FAM78B: variants seen among roughly 807,000 people sequenced by gnomAD.
The protein encoded by FAM78B is family with sequence similarity 78 member B, also known as protein FAM78B.
FAM78B carries 10 observed loss-of-function variants against 20.0 expected under a neutral mutation model. The ratio of observed to expected loss-of-function variants is 0.50; its 90% confidence interval spans 0.31 to 0.85. The LOEUF is 0.85. Among genes scored for constraint, FAM78B ranks in the 40% least tolerant of loss-of-function variants. The probability of loss-of-function intolerance (pLI) is 0.05; values close to 1 mark genes in which losing one functional copy is unlikely to be tolerated. For missense variants in FAM78B, 283 were observed against 345.0 expected (o/e 0.82, Z 1.42); for synonymous variants, 135 against 132.8 (o/e 1.02, Z -0.12).
At chr1:166,127,442 A>G (rs1327224020) in intron 1 of FAM78B, among the ~76,000 whole-genome samples, 1 of 152,172 alleles carries the variant, frequency 6.6e-6, no homozygotes, top group Non-Finnish European at 1.5e-5. Flanking sequence ...TATTACATGG[A>G]GAGTCCAACT....
intron 1 of FAM78B, among the ~76,000 whole-genome samples, chr1:166,137,822 A>G (rs758301095): frequency 2.0e-5 from 3 of 152,210 alleles, no homozygotes; most frequent in Non-Finnish European, 4.4e-5. Flanking sequence ...GGCTCTATCT[A>G]GACTCTGCTT....
chr1:166,108,816 T>C (rs912994384), intron 1 of FAM78B, among the ~76,000 whole-genome samples: 1 of 152,192 alleles, frequency 6.6e-6, no homozygotes. Context: ...AATAGGCACA[T>C]AGACCAATGG....
At chr1:166,062,586 T>C (rs1042447986) in intron 2 of FAM78B, among the ~76,000 whole-genome samples, 1 of 152,274 alleles carries the variant, frequency 6.6e-6, no homozygotes, top group Non-Finnish European at 1.5e-5. Flanking sequence ...AGTTCCCTGA[T>C]GCATGTGCAT....
At chr1:166,119,395 A>G (rs1654382728) in intron 1 of FAM78B, among the ~76,000 whole-genome samples, 1 of 152,184 alleles carries the variant, frequency 6.6e-6, no homozygotes, top group Non-Finnish European at 1.5e-5. Flanking sequence ...ATTCCAAAGG[A>G]GACGACGCAC....
intron 1 of FAM78B, among the ~76,000 whole-genome samples, chr1:166,126,643 T>C (rs1350908885): frequency 6.6e-6 from 1 of 150,546 alleles, no homozygotes; most frequent in Non-Finnish European, 1.5e-5. Flanking sequence ...TGGGAAGGAG[T>C]GATGATGGAG....
At chr1:166,097,358 G>C (rs1173247557) in intron 1 of FAM78B, among the ~76,000 whole-genome samples, 1 of 152,184 alleles carries the variant, frequency 6.6e-6, no homozygotes, top group Non-Finnish European at 1.5e-5. Context: ...GAAGCCTCCT[G>C]GCCAGAACTC....
At chr1:166,142,589 G>A (rs896426743) in intron 1 of FAM78B, among the ~76,000 whole-genome samples, 5 of 152,182 alleles carry the variant, frequency 3.3e-5, no homozygotes, top group South Asian at 2.1e-4. Flanking sequence ...AACTGGTTTC[G>A]TTTGTGATTT....
At chr1:166,114,179 A>T (rs921541613) in intron 1 of FAM78B, among the ~76,000 whole-genome samples, 1 of 152,158 alleles carries the variant, frequency 6.6e-6, no homozygotes, top group South Asian at 2.1e-4. Context: ...TCCATTGCAC[A>T]TTCGAATTTT....
chr1:166,118,866 C>T (rs1654360597), intron 1 of FAM78B, among the ~76,000 whole-genome samples: 1 of 152,136 alleles, frequency 6.6e-6, no homozygotes, highest in African/African-American at 2.4e-5. Context: ...ACTTCTGCTC[C>T]CAATGTCCCA....
chr1:166,081,644 G>C (rs950126095), intron 1 of FAM78B, among the ~76,000 whole-genome samples: 1 of 152,148 alleles, frequency 6.6e-6, no homozygotes, highest in Non-Finnish European at 1.5e-5. Flanking sequence ...AGTGGCATTT[G>C]TTCTCCATCC....
intron 1 of FAM78B, among the ~76,000 whole-genome samples, chr1:166,077,901 T>A (rs1458172953): frequency 0.025 from 119 of 4,694 alleles, 9 homozygotes; most frequent in Middle Eastern, 0.17. Flanking sequence ...ATATATAATT[T>A]ATATATATAA....
rs185998444 is a variant in FAM78B, at chr1:166,070,207, C to T, written c.*34G>A. 55 of 1,497,000 alleles carry T rather than the reference C, an allele frequency of 3.7e-5. No individual in the cohort carries two copies. The highest frequency in any genetic ancestry group is 1.1e-4 in the East Asian group (5 of 43,742). 92.7% of individuals were successfully genotyped at this position (1,497,000 alleles called of 1,614,324 possible). On this transcript the variant is annotated 3_prime_UTR_variant, in exon 2 of 2. Transcript: ENST00000354422. The stretch of plus-strand genomic sequence containing the variant: ...GCACCCTCACTGCATGTCTCAGAGG[C>T]GTGTGATCCACACACAGTCAGGCCA...
intron 1 of FAM78B, among the ~76,000 whole-genome samples, chr1:166,084,374 C>T (rs1652722104): frequency 6.6e-6 from 1 of 152,114 alleles, no homozygotes; most frequent in African/African-American, 2.4e-5. Context: ...GACTTTTGGG[C>T]TCCAAAGTGA....
At chr1:166,099,995 G>T (rs1420958086) in intron 1 of FAM78B, among the ~76,000 whole-genome samples, 1 of 152,154 alleles carries the variant, frequency 6.6e-6, no homozygotes, top group Non-Finnish European at 1.5e-5. Context: ...CTCCAAGACA[G>T]ACCATATGAT....
chr1:166,107,002 G>A (rs1653813378), intron 1 of FAM78B, among the ~76,000 whole-genome samples: 2 of 152,078 alleles, frequency 1.3e-5, no homozygotes, highest in South Asian at 4.2e-4. Flanking sequence ...AACAAAGACG[G>A]TGCTAAGAGG....
intron 1 of FAM78B, among the ~76,000 whole-genome samples, chr1:166,141,015 T>C (rs2101788746): frequency 6.6e-6 from 1 of 152,380 alleles, no homozygotes; most frequent in African/African-American, 2.4e-5. Flanking sequence ...GCCAGGCTGC[T>C]GCACTGCCTA....
At chr1:166,112,506 G>A (rs1279612449) in intron 1 of FAM78B, among the ~76,000 whole-genome samples, 2 of 152,096 alleles carry the variant, frequency 1.3e-5, no homozygotes, top group South Asian at 2.1e-4. Context: ...CTCATGGGTC[G>A]GCCTCAGGGA....
chr1:166,090,120 CA>C (rs1034697341), intron 1 of FAM78B, among the ~76,000 whole-genome samples: 3 of 152,174 alleles, frequency 2.0e-5, no homozygotes, highest in African/African-American at 7.2e-5. Flanking sequence ...GTCAGTTATA[CA>C]ATGCTGCTCC....
chr1:166,160,002 A>G (rs963093634), intron 1 of FAM78B, among the ~76,000 whole-genome samples: 2 of 152,170 alleles, frequency 1.3e-5, no homozygotes, highest in Non-Finnish European at 2.9e-5. Flanking sequence ...TGGCATCCCC[A>G]GTGTTTCTGC....
Sources: allele counts gnomAD v4.1 joint callset (sites outside exome capture counted in the v4.1 genomes callset), GRCh38; gene constraint gnomAD v4.1.1; transcripts MANE v1.5; gene names NCBI Gene and HGNC (gene_info 2026-07-23, HGNC 2026-07-21).